Variants in ZAN observed in about 807,000 individuals in gnomAD.
The protein encoded by ZAN is zonadhesin.
In ZAN, 260 loss-of-function variants were observed where a neutral mutation model predicts 286.2. That is an observed-to-expected ratio of 0.91 (90% CI 0.82 to 1.01). The LOEUF (loss-of-function observed/expected upper bound fraction) is 1.01. Among genes scored for constraint, ZAN ranks in the 50% least tolerant of loss-of-function variants. The probability of loss-of-function intolerance (pLI) is 0.00; values close to 1 mark genes in which losing one functional copy is unlikely to be tolerated. For missense variants in ZAN, 3,410 were observed against 3,639.2 expected (o/e 0.94, Z 1.62); for synonymous variants, 1,368 against 1,417.5 (o/e 0.97, Z 0.79).
chr7:100,788,170 G>C, intron 38 of ZAN, 34 bp downstream of exon 38: 1 of 1,445,584 alleles, frequency 6.9e-7, no homozygotes, highest in Middle Eastern at 1.9e-4. Context: ...TGGGTGTGGG[G>C]AGGCAGCTGG....
At position 100,764,187 on chromosome 7, in the gene ZAN, C is replaced by T. The variant is rs1279115729; in HGVS notation, c.4258C>T (p.His1420Tyr). The stretch of plus-strand genomic sequence containing the variant: ...CGCTGTGAAGCCCTGGAGGGAACCC[C>T]ACTTCTGCCGTGAGTTGTGCCAAAC... ...GHAVKPWREP[H>Y]FCPMACPPNS... The change falls in exon 22 of 48, where the codon CAC (histidine) becomes TAC (tyrosine). Residue 1420 changes from histidine (H) to tyrosine (Y), a missense_variant. Physicochemically the swap from His to Tyr is moderately conservative, Grantham distance 83. Coordinates refer to ENST00000613979, the MANE Select transcript of ZAN (RefSeq NM_003386.3). 2 of 1,562,924 alleles carry T rather than the reference C, an allele frequency of 1.3e-6. No homozygotes were observed. The highest frequency in any genetic ancestry group is 2.3e-5 in the East Asian group (1 of 43,388).
chr7:100,789,853 G>A lies in ZAN; in HGVS notation c.7357+506G>A, dbSNP rs549712147. Among the ~76,000 whole-genome samples, 6 of 152,298 alleles carry A rather than the reference G, an allele frequency of 3.9e-5. No individual in the cohort carries two copies. In the South Asian group the frequency reaches 8.3e-4, roughly 21 times the overall value. ...CCAGCTACTTGGGATGCTGAGGCAGGAGAATCGCTTGAACGTGGGAGGCGG... is the reference window on the plus strand; with the variant it reads ...CCAGCTACTTGGGATGCTGAGGCAGAAGAATCGCTTGAACGTGGGAGGCGG... On this transcript the variant is annotated intron_variant, in intron 39 of 47. Transcript: ENST00000613979.
Position 100,733,941 on chromosome 7 carries a change from TTC to T in ZAN, c.-142-80_-142-79del, listed in dbSNP as rs952991600. The T allele has an allele frequency of 7.7e-5, 28 of 364,046 alleles. 2 individuals are homozygous for T. The highest frequency in any genetic ancestry group is 5.8e-4 in the African/African-American group (26 of 44,664). 22.6% of individuals were successfully genotyped at this position (364,046 alleles called of 1,614,324 possible). A position where few individuals can be genotyped will look rare whatever the true frequency, so the allele number is the denominator to read the frequency against. On this transcript the variant is annotated intron_variant, in intron 1 of 47. Coordinates refer to ENST00000613979, the MANE Select transcript of ZAN (RefSeq NM_003386.3). The stretch of plus-strand genomic sequence containing the variant: ...TTGTTTCTTTCTCTTTTTTTTTCTC[TTC>T]TCTCTAGTTTATTTCCCTCGATTTC...
chr7:100,797,658 C>A (rs772193464), intron 47 of ZAN, 35 bp downstream of exon 47: 1 of 1,613,994 alleles, frequency 6.2e-7, no homozygotes, highest in East Asian at 2.2e-5. Context: ...AACCTCGGGG[C>A]CTAGAGTTGA....
At chr7:100,762,714 C>A (rs775579098) in intron 20 of ZAN, among the ~76,000 whole-genome samples, 1 of 150,960 alleles carries the variant, frequency 6.6e-6, no homozygotes, top group Non-Finnish European at 1.5e-5. Context: ...TGTGAGCCAC[C>A]ACACCACCAC....
At chr7:100,789,116 G>A (rs1458126680) in intron 38 of ZAN, 102 bp from the exon 39 acceptor site, 13 of 1,470,718 alleles carry the variant, frequency 8.8e-6, no homozygotes, top group Admixed American at 4.7e-5. Flanking sequence ...CTCTCTGCAC[G>A]GAGACATATG....
intron 35 of ZAN, among the ~76,000 whole-genome samples, chr7:100,783,227 C>T (rs916344594): frequency 2.6e-5 from 4 of 152,006 alleles, no homozygotes; most frequent in Non-Finnish European, 5.9e-5. Context: ...GAGATTGTGC[C>T]ATTGCACTCC....
intron 7 of ZAN, among the ~76,000 whole-genome samples, chr7:100,745,442 G>T (rs1009765760): frequency 4.6e-5 from 7 of 151,722 alleles, no homozygotes; most frequent in South Asian, 2.1e-4. Flanking sequence ...TACCAGTTGC[G>T]TCACCTAGCG....
intron 35 of ZAN, among the ~76,000 whole-genome samples, chr7:100,782,620 C>T (rs111620980): frequency 3.9e-5 from 6 of 151,940 alleles, no homozygotes; most frequent in East Asian, 1.9e-4. Flanking sequence ...CGTGAGCCAC[C>T]GTGTCCGGCC....
chr7:100,747,197 G>A (rs1261557233), intron 8 of ZAN, among the ~76,000 whole-genome samples: 4 of 151,928 alleles, frequency 2.6e-5, no homozygotes, highest in African/African-American at 9.7e-5. Flanking sequence ...GACCAGCCTG[G>A]CCAACATAGA....
chr7:100,761,055 C>G (rs1012689752), intron 19 of ZAN, among the ~76,000 whole-genome samples: 1 of 151,996 alleles, frequency 6.6e-6, no homozygotes, highest in African/African-American at 2.4e-5. Context: ...ACCACCATGC[C>G]CAGCTAATTT....
chr7:100,753,403 T>G (rs1468240782), intron 14 of ZAN, among the ~76,000 whole-genome samples, 174 bp downstream of exon 14: 1 of 152,224 alleles, frequency 6.6e-6, no homozygotes, highest in East Asian at 1.9e-4. Flanking sequence ...TGGGGAGGAC[T>G]GCCCAGAGCG....
rs777303270 is a variant in ZAN at position 100,797,481 on chromosome 7, G to A, written c.8366+16G>A. 2.5e-6 allele frequency: 4 copies of A among 1,613,844 alleles called. No homozygotes were observed. In the South Asian group the frequency reaches 4.4e-5, roughly 18 times the overall value. On this transcript the variant is annotated intron_variant, in intron 46 of 47. Transcript: ENST00000613979. Reference sequence around the variant, plus strand: ...GGAGGAAGAGGTGAGTCCTGGGAAGGAGAGAGGAAGGGCGGGTGGGGTGTG... The same window carrying A: ...GGAGGAAGAGGTGAGTCCTGGGAAGAAGAGAGGAAGGGCGGGTGGGGTGTG...
intron 11 of ZAN, among the ~76,000 whole-genome samples, chr7:100,749,366 C>A (rs930613042): frequency 6.6e-6 from 1 of 151,584 alleles, no homozygotes; most frequent in Admixed American, 6.6e-5. Flanking sequence ...AGAGGCTGGG[C>A]GCAGTGGCTC....
intron 36 of ZAN, among the ~76,000 whole-genome samples, chr7:100,785,606 T>C (rs1011481997): frequency 3.3e-5 from 5 of 151,656 alleles, no homozygotes; most frequent in Admixed American, 3.3e-4. Flanking sequence ...ATTTAGATGG[T>C]GGGCCAGGCT....
At chr7:100,762,068 A>G (rs562434212) in intron 19 of ZAN, 147 bp from the exon 20 acceptor site, 2 of 939,476 alleles carry the variant, frequency 2.1e-6, no homozygotes, top group Non-Finnish European at 3.2e-6. Context: ...GGGGAGGGCC[A>G]TGGGGTCCTC....
Position 100,745,305 on chromosome 7 carries a change from C to T in ZAN, c.767-1233C>T, listed in dbSNP as rs116224560. ...ATTCCCGCCATTCCAGCCTCTTCGCCGCCGCTCAGGATCCCACCTTCGGCA... is the reference window on the plus strand; with the variant it reads ...ATTCCCGCCATTCCAGCCTCTTCGCTGCCGCTCAGGATCCCACCTTCGGCA... On this transcript the variant is annotated intron_variant, in intron 7 of 47. Coordinates refer to ENST00000613979, the MANE Select transcript of ZAN (RefSeq NM_003386.3). 3.6e-3 allele frequency among the ~76,000 whole-genome samples: 541 copies of T among 151,828 alleles called. 20 individuals carry two copies. Among genetic ancestry groups the T allele is most frequent in the African/African-American group, 0.012 (504 of 41,330 alleles).
At chr7:100,762,530 A>T (rs984577415) in intron 20 of ZAN, among the ~76,000 whole-genome samples, 172 bp downstream of exon 20, 5 of 149,600 alleles carry the variant, frequency 3.3e-5, no homozygotes, top group Non-Finnish European at 7.4e-5. Flanking sequence ...GGCTCAAGCA[A>T]TTATCCTGCC....
intron 31 of ZAN, among the ~76,000 whole-genome samples, chr7:100,774,920 T>TTG (rs1810646778): frequency 8.3e-5 from 10 of 120,606 alleles, no homozygotes; most frequent in African/African-American, 2.7e-4. Flanking sequence ...CCCTGGGGTT[T>TTG]TTTGTTTGTT....
Sources: allele counts gnomAD v4.1 joint callset (sites outside exome capture counted in the v4.1 genomes callset), GRCh38; gene constraint gnomAD v4.1.1; transcripts MANE v1.5; gene names NCBI Gene and HGNC (gene_info 2026-07-23, HGNC 2026-07-21).